Variants in PLCL1 observed in about 807,000 individuals in gnomAD.
PLCL1 encodes inactive phospholipase C-like protein 1.
Under a neutral mutation model 84.4 loss-of-function variants are expected in PLCL1, and 41 were observed. That is an observed-to-expected ratio of 0.49 (90% CI 0.38 to 0.63). PLCL1 has a LOEUF of 0.63. PLCL1 is among the 30% of genes least tolerant of loss of function. The probability of loss-of-function intolerance (pLI) is 0.00; values close to 1 mark genes in which losing one functional copy is unlikely to be tolerated. For synonymous variants in PLCL1, 490 were observed against 488.3 expected (o/e 1.00, Z -0.05); for missense variants, 1,206 against 1,367.8 (o/e 0.88, Z 1.87).
At chr2:197,892,181 G>A (rs1688042898) in intron 1 of PLCL1, among the ~76,000 whole-genome samples, 1 of 152,176 alleles carries the variant, frequency 6.6e-6, no homozygotes, top group Non-Finnish European at 1.5e-5. Flanking sequence ...CAATTTTCTA[G>A]TTAAGTCTTA....
intron 5 of PLCL1, among the ~76,000 whole-genome samples, chr2:198,119,052 A>G (rs972843544): frequency 4.6e-5 from 7 of 152,002 alleles, no homozygotes; most frequent in Non-Finnish European, 8.8e-5. Flanking sequence ...CCAGAGTATT[A>G]CATACATCAG....
intron 5 of PLCL1, among the ~76,000 whole-genome samples, chr2:198,121,936 T>C (rs1450071437): frequency 6.6e-6 from 1 of 152,096 alleles, no homozygotes; most frequent in Non-Finnish European, 1.5e-5. Context: ...CTCAGGGTTA[T>C]TTGATATAAT....
intron 1 of PLCL1, among the ~76,000 whole-genome samples, chr2:198,057,460 AT>A (rs1175476128): frequency 6.6e-6 from 1 of 152,148 alleles, no homozygotes; most frequent in Non-Finnish European, 1.5e-5. Context: ...AGGTATTGTC[AT>A]GCCCATTTCA....
At position 198,147,779 on chromosome 2, in the gene PLCL1, A is replaced by G. The variant is rs1694561457; in HGVS notation, c.*817A>G. On this transcript the variant is annotated 3_prime_UTR_variant, in exon 6 of 6. Coordinates refer to ENST00000428675, the MANE Select transcript of PLCL1 (RefSeq NM_006226.4). ...ATTAGGATTTTGATGTGACAATAAT[A>G]TTGTTGTATAATTTCGAGATTTGTA... 1 of 152,276 alleles carries G rather than the reference A, an allele frequency of 6.6e-6. No homozygotes were observed. Among genetic ancestry groups the G allele is most frequent in the Admixed American group, 6.5e-5 (1 of 15,268 alleles). The allele number at this position is 152,276 out of a possible 1,614,324, so 9.4% of individuals were successfully genotyped here. A position where few individuals can be genotyped will look rare whatever the true frequency, so the allele number is the denominator to read the frequency against.
intron 1 of PLCL1, among the ~76,000 whole-genome samples, chr2:197,921,002 T>C (rs1688690456): frequency 6.6e-6 from 1 of 152,184 alleles, no homozygotes; most frequent in Non-Finnish European, 1.5e-5. Flanking sequence ...ACAAACATCA[T>C]AGAGTATACT....
At chr2:198,044,349 C>A (rs1339816742) in intron 1 of PLCL1, among the ~76,000 whole-genome samples, 2 of 152,096 alleles carry the variant, frequency 1.3e-5, no homozygotes, top group Non-Finnish European at 2.9e-5. Flanking sequence ...TTTAAATGTC[C>A]TTAAAAAAGC....
At chr2:198,105,437 A>C (rs1693450856) in intron 5 of PLCL1, among the ~76,000 whole-genome samples, 1 of 151,898 alleles carries the variant, frequency 6.6e-6, no homozygotes, top group Admixed American at 6.6e-5. Context: ...TATCGTTTGA[A>C]GTTGGGTCAA....
At chr2:197,978,337 C>A (rs1400419155) in intron 1 of PLCL1, among the ~76,000 whole-genome samples, 1 of 151,888 alleles carries the variant, frequency 6.6e-6, no homozygotes, top group African/African-American at 2.4e-5. Context: ...ATTGGCCGGG[C>A]GTGGTGGTGG....
intron 1 of PLCL1, among the ~76,000 whole-genome samples, chr2:197,918,516 G>A (rs1257687745): frequency 6.6e-6 from 1 of 152,172 alleles, no homozygotes; most frequent in Non-Finnish European, 1.5e-5. Flanking sequence ...GGAGTATGGA[G>A]TATATAGGAA....
At position 198,001,982 on chromosome 2, in the gene PLCL1, CAG is replaced by C. The variant is rs57650839; in HGVS notation, c.241-81773_241-81772del. The C allele has an allele frequency of 5.1e-3, 2,237 of 441,318 alleles. 43 individuals are homozygous for C. Among genetic ancestry groups the C allele is most frequent in the African/African-American group, 0.04 (2,012 of 49,924 alleles). The allele number at this position is 441,318 out of a possible 1,614,324, so 27.3% of individuals were successfully genotyped here. ...ACTGTGTAGTTGCAGGAAAACAGCTCAGAGTTTCCACTGATTCTTCATTATGG... is the reference window on the plus strand; with the variant it reads ...ACTGTGTAGTTGCAGGAAAACAGCTCAGTTTCCACTGATTCTTCATTATGG... On this transcript the variant is annotated intron_variant, in intron 1 of 5. Coordinates refer to ENST00000428675, the MANE Select transcript of PLCL1 (RefSeq NM_006226.4).
At chr2:198,132,461 G>A (rs1330231664) in intron 5 of PLCL1, among the ~76,000 whole-genome samples, 1 of 151,844 alleles carries the variant, frequency 6.6e-6, no homozygotes, top group Non-Finnish European at 1.5e-5. Context: ...TTTTTTGGGG[G>A]GGGGAGTCCA....
intron 1 of PLCL1, among the ~76,000 whole-genome samples, chr2:197,944,906 G>A (rs1246711664): frequency 1.3e-5 from 2 of 152,090 alleles, no homozygotes; most frequent in Admixed American, 1.3e-4. Flanking sequence ...ATTGAAACTG[G>A]AGTTTGTGTT....
At chr2:198,007,192 T>C (rs1307087794) in intron 1 of PLCL1, among the ~76,000 whole-genome samples, 1 of 152,196 alleles carries the variant, frequency 6.6e-6, no homozygotes, top group East Asian at 1.9e-4. Flanking sequence ...AGCTATAATA[T>C]GCACAATGAT....
chr2:198,086,923 T>C (rs1248053050), intron 2 of PLCL1, among the ~76,000 whole-genome samples: 1 of 152,192 alleles, frequency 6.6e-6, no homozygotes, highest in Non-Finnish European at 1.5e-5. Flanking sequence ...ATAACATATT[T>C]GCATATATGA....
At chr2:198,037,638 C>T (rs951642549) in intron 1 of PLCL1, among the ~76,000 whole-genome samples, 10 of 152,186 alleles carry the variant, frequency 6.6e-5, no homozygotes, top group African/African-American at 2.4e-4. Context: ...TAAATACTCT[C>T]TATCAAGTTG....
intron 1 of PLCL1, among the ~76,000 whole-genome samples, chr2:197,996,324 T>C (rs1341739159): frequency 6.6e-6 from 1 of 152,164 alleles, no homozygotes; most frequent in East Asian, 1.9e-4. Context: ...AGGGCATTTT[T>C]AGGGTAGTGA....
intron 1 of PLCL1, among the ~76,000 whole-genome samples, chr2:197,892,041 A>C (rs1036108559): frequency 6.6e-6 from 1 of 152,196 alleles, no homozygotes; most frequent in Admixed American, 6.5e-5. Flanking sequence ...GCGATCTGTT[A>C]TGGTAATATC....
intron 5 of PLCL1, 56 bp downstream of exon 5, chr2:198,103,992 C>T (rs1271533514): frequency 2.5e-6 from 2 of 799,152 alleles, no homozygotes; most frequent in Non-Finnish European, 4.0e-6. Context: ...CCTCATCTCT[C>T]CAATGTGTAG....
chr2:198,106,808 G>A (rs957506155), intron 5 of PLCL1, among the ~76,000 whole-genome samples: 4 of 151,824 alleles, frequency 2.6e-5, no homozygotes, highest in Non-Finnish European at 4.4e-5. Flanking sequence ...ATGACATGCT[G>A]ACTCTGATAG....
Sources: gnomAD v4.1 joint callset for allele counts (sites outside exome capture counted in the v4.1 genomes callset) on GRCh38, gnomAD v4.1.1 for gene constraint, MANE v1.5 for transcripts, NCBI Gene and HGNC (gene_info 2026-07-23, HGNC 2026-07-21) for gene names.